The following MINAR1 variants were observed in gnomAD, a reference collection of about 807,000 sequenced individuals.
The protein encoded by MINAR1 is major intrinsically disordered Notch2-binding receptor 1.
MINAR1 carries 40 observed loss-of-function variants against 65.1 expected under a neutral mutation model. The ratio of observed to expected loss-of-function variants is 0.61; its 90% CI spans 0.48 to 0.80. MINAR1 has a LOEUF of 0.80. Ranked by LOEUF, MINAR1 falls within the 30% of genes least tolerant of loss-of-function variation. The pLI is 0.00. For synonymous variants in MINAR1, 482 were observed against 449.1 expected (o/e 1.07, Z -0.93); for missense variants, 1,128 against 1,148.0 (o/e 0.98, Z 0.25).
Position 79,458,136 on chromosome 15 carries a change from G to A in MINAR1, c.1989G>A (p.Met663Ile). ...GPSDDSASPR[M>I]FHAHSGSHGP... The stretch of plus-strand genomic sequence containing the variant: ...CTGATGACAGTGCCTCTCCCCGGAT[G>A]TTCCACGCACACAGTGGCTCCCACG... The change falls in exon 2 of 4, where the codon ATG becomes ATA. Residue 663 changes from methionine (M) to isoleucine (I), a missense_variant. Transcript: ENST00000305428. 2 of 1,614,154 alleles carry A rather than the reference G, an allele frequency of 1.2e-6. No individual in the cohort carries two copies. Among genetic ancestry groups the A allele is most frequent in the South Asian group, 1.1e-5 (1 of 91,086 alleles).
the MINAR1 span, chr15:79,412,158 C>G: frequency 1.3e-5 from 2 of 151,950 alleles, no homozygotes; most frequent in South Asian, 4.2e-4. Context: ...TATGGACATG[C>G]ACCAGCCCAG....
chr15:79,432,099 T>C (rs1389811018), upstream of MINAR1, among the ~76,000 whole-genome samples: 1 of 151,662 alleles, frequency 6.6e-6, no homozygotes, highest in African/African-American at 2.4e-5. Flanking sequence ...GCTCCCAGCC[T>C]GCAAGCCCAT....
chr15:79,463,133 G>A lies in MINAR1; in HGVS notation c.2365G>A (p.Val789Met), dbSNP rs573792949. Residue 789 changes from valine to methionine, a missense_variant, in exon 3 of 4, where the codon GTG (valine) becomes ATG (methionine). By Grantham distance (21) the Val-to-Met change is conservative. Coordinates refer to ENST00000305428, the MANE Select transcript of MINAR1 (RefSeq NM_015206.3). Reference sequence around the variant, plus strand: ...CAAGCAGCCCAAAGATGGCTTCCTGGTGGAGCAGGTGTTCAGCCCTCACCC... The same window carrying A: ...CAAGCAGCCCAAAGATGGCTTCCTGATGGAGCAGGTGTTCAGCCCTCACCC... ...LPKQPKDGFL[V>M]EQVFSPHPYP... The A allele has an allele frequency of 1.2e-6, 2 of 1,614,170 alleles. No individual in the cohort carries two copies. The highest frequency in any genetic ancestry group is 2.2e-5 in the South Asian group (2 of 91,080).
chr15:79,441,353 C>A (rs1031337457), intron 1 of MINAR1, among the ~76,000 whole-genome samples: 2 of 152,034 alleles, frequency 1.3e-5, no homozygotes, highest in Admixed American at 1.3e-4. Context: ...TACTTTTTCA[C>A]TTAAGAATAC....
chr15:79,411,590 C>A, the MINAR1 span: 2 of 678,342 alleles, frequency 2.9e-6, no homozygotes, highest in Admixed American at 2.0e-5. Flanking sequence ...CTGCACAGAG[C>A]TACCATGCAC....
At chr15:79,430,227 C>T (rs1413011609), upstream of MINAR1, among the ~76,000 whole-genome samples, 1 of 152,040 alleles carries the variant, frequency 6.6e-6, no homozygotes, top group East Asian at 1.9e-4. Flanking sequence ...TCTAGCCGAC[C>T]TCAGCTGAAC....
intron 1 of MINAR1, among the ~76,000 whole-genome samples, chr15:79,449,357 G>C (rs1411666965): frequency 6.6e-6 from 1 of 152,174 alleles, no homozygotes; most frequent in African/African-American, 2.4e-5. Context: ...CCCTATCTTA[G>C]TATGTTTGTG....
At chr15:79,438,444 T>G (rs1334233832) in intron 1 of MINAR1, among the ~76,000 whole-genome samples, 4 of 2,894 alleles carry the variant, frequency 1.4e-3, no homozygotes, top group African/African-American at 3.7e-3. Context: ...GGGTAGTGAG[T>G]GTGTGGAGTG....
chr15:79,461,325 C>T (rs1895633497), intron 2 of MINAR1, among the ~76,000 whole-genome samples: 3 of 152,206 alleles, frequency 2.0e-5, no homozygotes, highest in Non-Finnish European at 4.4e-5. Flanking sequence ...TAGCTACAAC[C>T]TCAGAATTTT....
upstream of MINAR1, among the ~76,000 whole-genome samples, chr15:79,431,631 G>A (rs1894443529): frequency 6.6e-6 from 1 of 152,222 alleles, no homozygotes; most frequent in African/African-American, 2.4e-5. Flanking sequence ...ACTTGGCCCT[G>A]GCCTTGCAAA....
rs75688332 is a variant in MINAR1 at position 79,463,632 on chromosome 15, G to T, written c.2553+311G>T. The T allele has an allele frequency of 3.0e-4, 171 of 576,534 alleles. No individual in the cohort carries two copies. The African/African-American group carries it at 3.0e-3, about 10-fold the overall frequency. The allele number at this position is 576,534 out of a possible 1,614,324, so 35.7% of individuals were successfully genotyped here. ...GTACCAAGTGCAGATTCTAATATTT[G>T]CTCACAAGACCTGAGCCAAACTGTT... On this transcript the variant is annotated intron_variant, in intron 3 of 3. Coordinates refer to ENST00000305428, the MANE Select transcript of MINAR1 (RefSeq NM_015206.3).
chr15:79,433,686 A>T (rs1567047687), intron 1 of MINAR1, among the ~76,000 whole-genome samples: 1 of 152,130 alleles, frequency 6.6e-6, no homozygotes, highest in Non-Finnish European at 1.5e-5. Context: ...TGCATCCTTT[A>T]TTCCAGCAAA....
upstream of MINAR1, among the ~76,000 whole-genome samples, chr15:79,430,931 A>G (rs1011431911): frequency 1.3e-5 from 2 of 152,234 alleles, no homozygotes; most frequent in Admixed American, 1.3e-4. Flanking sequence ...GCACCAAAAA[A>G]TAGAATCAGA....
chr15:79,456,871 A>G lies in MINAR1; in HGVS notation c.724A>G (p.Ile242Val), dbSNP rs1895439629. The change falls in exon 2 of 4, where the codon ATT becomes GTT. Residue 242 changes from isoleucine to valine, a missense_variant. Physicochemically the swap from Ile to Val is conservative, Grantham distance 29. Transcript: ENST00000305428. Reference protein sequence around the residue: ...PINQSIKETFISNEEPFVVQS... With the variant: ...PINQSIKETFVSNEEPFVVQS... ...CAATCAGAGCATCAAGGAGACCTTC[A>G]TTTCCAATGAGGAGCCATTTGTGGT... 6.2e-7 allele frequency: 1 copy of G among 1,614,018 alleles called. No homozygotes were observed. Among genetic ancestry groups the G allele is most frequent in the Non-Finnish European group, 8.5e-7 (1 of 1,180,042 alleles).
intron 2 of MINAR1, among the ~76,000 whole-genome samples, chr15:79,460,666 C>T (rs1376464017): frequency 6.6e-6 from 1 of 152,212 alleles, no homozygotes; most frequent in Non-Finnish European, 1.5e-5. Context: ...TAAAATGCCA[C>T]TCTCTGTGGT....
chr15:79,458,524 G>A (rs948779136), intron 2 of MINAR1, 79 bp downstream of exon 2: 11 of 1,507,122 alleles, frequency 7.3e-6, no homozygotes, highest in African/African-American at 5.6e-5. Flanking sequence ...TGAACATGGC[G>A]TTAAACAGGC....
chr15:79,421,423 G>A, the MINAR1 span: 1 of 152,182 alleles, frequency 6.6e-6, no homozygotes, highest in East Asian at 1.9e-4. Context: ...CCAGGTCCAG[G>A]AGGTTTTTGA....
In MINAR1 at chr15:79,471,700, C is replaced by T. The variant is rs1896088009; in HGVS notation, c.*3316C>T. ...TATCAAGATAAGAGCAGTGGCATCA[C>T]ATTTGTTGTTGTTGTTTTTTTTTTT... On this transcript the variant is annotated 3_prime_UTR_variant, in exon 4 of 4. Transcript: ENST00000305428. 5 of 151,668 alleles carry T rather than the reference C, an allele frequency of 3.3e-5. No homozygotes were observed. The South Asian group carries it at 1.0e-3, about 32-fold the overall frequency. The allele number at this position is 151,668 out of a possible 1,614,324, so 9.4% of individuals were successfully genotyped here.
chr15:79,417,997 G>A, the MINAR1 span: 6 of 152,312 alleles, frequency 3.9e-5, no homozygotes, highest in South Asian at 2.1e-4. Context: ...GTCCAGTTAC[G>A]GAATTATCAT....
Sources: gnomAD v4.1 joint callset for allele counts (sites outside exome capture counted in the v4.1 genomes callset) on GRCh38, gnomAD v4.1.1 for gene constraint, MANE v1.5 for transcripts, NCBI Gene and HGNC (gene_info 2026-07-23, HGNC 2026-07-21) for gene names.